Variants in PMM1 observed in about 807,000 individuals in gnomAD.
The protein encoded by PMM1 is brain glucose-1,6-bisphosphatase.
Under a neutral mutation model 34.0 loss-of-function variants are expected in PMM1, and 25 were observed. The ratio of observed to expected loss-of-function variants is 0.73; its 90% confidence interval spans 0.54 to 1.03. The LOEUF is 1.03. Ranked by LOEUF, PMM1 falls within the 50% of genes least tolerant of loss-of-function variation. PMM1 has a pLI of 0.00. For synonymous variants in PMM1, 134 were observed against 143.9 expected, an observed-to-expected ratio of 0.93 and a Z score of 0.49; for missense variants, 321 against 350.1, an observed-to-expected ratio of 0.92 and a Z score of 0.66.
intron 2 of PMM1, chr22:41,585,511 A>G (rs1373578637): frequency 1.4e-5 from 2 of 146,356 alleles, no homozygotes; most frequent in Admixed American, 1.3e-4. Context: ...TTATTTTTGG[A>G]TGTGTAGCCT....
rs1175785027 is a variant in PMM1, at chr22:41,584,523, T to C, written c.282+4A>G. ...CCCCTGGCTAAGCCCTGGGGGACAC[T>C]GACCTGCTTGGAGAGCAGTCGTCCG... On this transcript the variant is annotated splice_donor_region_variant and intron_variant, in intron 3 of 7. Coordinates refer to ENST00000216259, the MANE Select transcript of PMM1 (RefSeq NM_002676.3). 6.2e-7 allele frequency: 1 copy of C among 1,612,480 alleles called. No homozygotes were observed. Among genetic ancestry groups the C allele is most frequent in the South Asian group, 1.1e-5 (1 of 90,980 alleles).
chr22:41,585,647 A>C (rs1052146033), intron 2 of PMM1, among the ~76,000 whole-genome samples: 1 of 151,948 alleles, frequency 6.6e-6, no homozygotes, highest in Non-Finnish European at 1.5e-5. Context: ...ACGTGCCAAC[A>C]CACCCAGCTA....
At chr22:41,578,210 G>A (rs185681421) in intron 6 of PMM1, among the ~76,000 whole-genome samples, 5 of 152,276 alleles carry the variant, frequency 3.3e-5, no homozygotes, top group East Asian at 3.9e-4. Flanking sequence ...TGGCTGGGGC[G>A]CAAAGTACAG....
In PMM1 at chr22:41,589,755, C is replaced by A; in HGVS notation, c.51G>T (p.Leu17=). 1.2e-6 allele frequency: 2 copies of A among 1,612,024 alleles called. No individual in the cohort carries two copies. Among genetic ancestry groups the A allele is most frequent in the Non-Finnish European group, 1.7e-6 (2 of 1,179,566 alleles). ...GCGTGAGGGTCCCGTCCACGTCAAA[C>A]AGGCAGAGGACGCGCTCCTTCCTGC... ...AARRKERVLC[L]FDVDGTLTPA... The change falls in exon 1 of 8, where the codon CTG becomes CTT. Residue 17 remains leucine, a synonymous_variant. Coordinates refer to ENST00000216259, the MANE Select transcript of PMM1 (RefSeq NM_002676.3).
chr22:41,588,637 G>C (rs908054753), intron 1 of PMM1: 51 of 985,148 alleles, frequency 5.2e-5, no homozygotes, highest in Non-Finnish European at 5.9e-5. Flanking sequence ...TTACAGGCGT[G>C]ACCCACAAGC....
At chr22:41,577,621 C>A (rs1165324406) in intron 7 of PMM1, 181 bp from the exon 8 acceptor site, 4 of 809,122 alleles carry the variant, frequency 4.9e-6, no homozygotes, top group East Asian at 5.3e-5. Flanking sequence ...CCTCTTGGGG[C>A]CCCAGCTTTC....
chr22:41,586,375 C>A (rs890390286), intron 1 of PMM1, 182 bp from the exon 2 acceptor site: 6 of 1,140,304 alleles, frequency 5.3e-6, no homozygotes, highest in Non-Finnish European at 7.0e-6. Context: ...GCAATCCCAA[C>A]ACTTTGCGAG....
chr22:41,583,834 G>A, intron 5 of PMM1, 125 bp downstream of exon 5: 2 of 689,348 alleles, frequency 2.9e-6, no homozygotes, highest in Non-Finnish European at 5.3e-6. Flanking sequence ...CACAGTAGGT[G>A]CCTGAAAGGG....
chr22:41,588,949 G>T, intron 1 of PMM1: 1 of 1,131,502 alleles, frequency 8.8e-7, no homozygotes, highest in Non-Finnish European at 1.2e-6. Context: ...TGGTGAGGGG[G>T]CTTTTGGGGA....
chr22:41,579,105 T>C (rs746690779), intron 5 of PMM1: 48 of 528,358 alleles, frequency 9.1e-5, no homozygotes, highest in Non-Finnish European at 1.7e-4. Context: ...GGGCTGCCAA[T>C]GGGGCTGTGG....
At chr22:41,589,581 T>G in intron 1 of PMM1, 138 bp downstream of exon 1, 1 of 706,880 alleles carries the variant, frequency 1.4e-6, no homozygotes, top group Non-Finnish European at 2.4e-6. Context: ...TGGCCCCGGA[T>G]GTCAGGGGGC....
In PMM1 at chr22:41,584,568, C is replaced by G; in HGVS notation, c.241G>C (p.Gly81Arg). 1 of 1,613,992 alleles carries G rather than the reference C, an allele frequency of 6.2e-7. No homozygotes were observed. Among genetic ancestry groups the G allele is most frequent in the Non-Finnish European group, 8.5e-7 (1 of 1,179,962 alleles). The change falls in exon 3 of 8, where the codon GGG becomes CGG. Residue 81 changes from glycine to arginine, a missense_variant. Transcript: ENST00000216259. ...EKFDYVFAEN[G>R]TVQYKHGRLL... Reference sequence around the variant, plus strand: ...CGTCCGTGCTTATACTGCACCGTCCCGTTCTCGGCAAACACATAATCAAAC... The same window carrying G: ...CGTCCGTGCTTATACTGCACCGTCCGGTTCTCGGCAAACACATAATCAAAC...
intron 1 of PMM1, 71 bp downstream of exon 1, chr22:41,589,648 G>T: frequency 1.5e-6 from 2 of 1,319,346 alleles, no homozygotes; most frequent in Non-Finnish European, 1.1e-6. Flanking sequence ...CGCTGCTGCA[G>T]ACCCCACACT....
chr22:41,579,859 A>G (rs2145613048), intron 5 of PMM1: 1 of 152,514 alleles, frequency 6.6e-6, no homozygotes, highest in Non-Finnish European at 1.5e-5. Flanking sequence ...TGGGCAAGTC[A>G]CCTGACCTCT....
In PMM1 at chr22:41,589,836, C is replaced by T; in HGVS notation, c.-31G>A. On this transcript the variant is annotated 5_prime_UTR_variant, in exon 1 of 8. Transcript: ENST00000216259. ...CAGGTCCGCGCGCGGGGCGGAGTCCCGAAGATGCAACGGCAGAAGCAGCTC... is the reference window on the plus strand; with the variant it reads ...CAGGTCCGCGCGCGGGGCGGAGTCCTGAAGATGCAACGGCAGAAGCAGCTC... The T allele has an allele frequency of 1.3e-6, 2 of 1,561,200 alleles. No individual in the cohort carries two copies. The highest frequency in any genetic ancestry group is 1.8e-5 in the Admixed American group (1 of 55,884).
chr22:41,578,015 C>G, intron 6 of PMM1, 92 bp from the exon 7 acceptor site: 1 of 892,070 alleles, frequency 1.1e-6, no homozygotes, highest in Non-Finnish European at 1.8e-6. Flanking sequence ...ATTCAACAAC[C>G]CTTGAGTGCC....
chr22:41,578,701 G>A, intron 6 of PMM1, 105 bp downstream of exon 6: 1 of 882,644 alleles, frequency 1.1e-6, no homozygotes, highest in East Asian at 2.5e-5. Flanking sequence ...GCCGGGGAGG[G>A]GCTACTAAAG....
At chr22:41,583,728 G>A (rs1346291951) in intron 5 of PMM1, among the ~76,000 whole-genome samples, 3 of 152,118 alleles carry the variant, frequency 2.0e-5, no homozygotes, top group Non-Finnish European at 2.9e-5. Flanking sequence ...GTTCCCAGGT[G>A]TTGGCCTGGC....
chr22:41,581,029 C>T (rs1055123119), intron 5 of PMM1, among the ~76,000 whole-genome samples: 9 of 147,356 alleles, frequency 6.1e-5, no homozygotes, highest in Non-Finnish European at 1.2e-4. Flanking sequence ...GCAGGAGAAT[C>T]GCTTGAACCC....
Sources: gnomAD v4.1 joint callset for allele counts (sites outside exome capture counted in the v4.1 genomes callset) on GRCh38, gnomAD v4.1.1 for gene constraint, MANE v1.5 for transcripts, NCBI Gene and HGNC (gene_info 2026-07-23, HGNC 2026-07-21) for gene names.